The following PRKCH variants were observed in gnomAD, a reference collection of about 807,000 sequenced individuals.
PRKCH encodes protein kinase C eta.
A neutral mutation model predicts 82.5 loss-of-function variants in PRKCH; 28 were observed. That is an observed-to-expected ratio of 0.34 (90% CI 0.25 to 0.47). The LOEUF (loss-of-function observed/expected upper bound fraction) is 0.47. Ranked by LOEUF, PRKCH falls within the 20% of genes least tolerant of loss-of-function variation. The pLI, the probability that PRKCH is intolerant of heterozygous loss-of-function variation, is 1.00. For missense variants in PRKCH, 705 were observed against 881.8 expected, an observed-to-expected ratio of 0.80 and a Z score of 2.54; for synonymous variants, 322 against 327.4, an observed-to-expected ratio of 0.98 and a Z score of 0.18.
intron 1 of PRKCH, among the ~76,000 whole-genome samples, chr14:61,383,606 A>G (rs2046543505): frequency 6.6e-6 from 1 of 151,872 alleles, no homozygotes; most frequent in Admixed American, 6.6e-5. Context: ...AACCCATCCA[A>G]CCTGTAGCCC....
chr14:61,431,622 C>T (rs1055848175), intron 2 of PRKCH, among the ~76,000 whole-genome samples: 1 of 151,902 alleles, frequency 6.6e-6, no homozygotes, highest in Non-Finnish European at 1.5e-5. Context: ...AGAATGCATG[C>T]TTAGAGAAGG....
chr14:61,225,324 T>C (rs1043272437), intron 1 of PRKCH, among the ~76,000 whole-genome samples: 1 of 152,250 alleles, frequency 6.6e-6, no homozygotes, highest in Non-Finnish European at 1.5e-5. Context: ...ACTCCTGCAC[T>C]GTAGGCTTGG....
chr14:61,424,858 C>T (rs978414581), intron 2 of PRKCH, among the ~76,000 whole-genome samples: 1 of 152,220 alleles, frequency 6.6e-6, no homozygotes, highest in African/African-American at 2.4e-5. Context: ...CTGCTCTGTG[C>T]AGCCTAGGAC....
intron 1 of PRKCH, among the ~76,000 whole-genome samples, chr14:61,200,791 G>C (rs1466683243): frequency 6.7e-6 from 1 of 148,472 alleles, no homozygotes; most frequent in Non-Finnish European, 1.5e-5. Context: ...TATTATTATT[G>C]TTAATCTCTT....
chr14:61,297,496 T>C (rs1260445609), intron 1 of PRKCH, among the ~76,000 whole-genome samples: 1 of 152,230 alleles, frequency 6.6e-6, no homozygotes, highest in South Asian at 2.1e-4. Context: ...TCTGCTGCAG[T>C]GGTCTCCAAC....
intron 1 of PRKCH, among the ~76,000 whole-genome samples, chr14:61,287,256 C>T (rs2045323793): frequency 7.5e-6 from 1 of 133,782 alleles, no homozygotes; most frequent in African/African-American, 2.8e-5. Flanking sequence ...AAGGATAGGG[C>T]TGGACTTGAA....
At chr14:61,518,307 C>T (rs896473121) in intron 10 of PRKCH, among the ~76,000 whole-genome samples, 4 of 151,888 alleles carry the variant, frequency 2.6e-5, no homozygotes, top group Non-Finnish European at 4.4e-5. Flanking sequence ...CAAGGAGAGT[C>T]GGTGAGAGAA....
rs1309233833 is a variant in PRKCH, at chr14:61,322,460, G to A, written c.359G>A (p.Gly120Asp). 5.6e-6 allele frequency: 9 copies of A among 1,594,198 alleles called. No individual in the cohort carries two copies. Among genetic ancestry groups the A allele is most frequent in the Non-Finnish European group, 7.7e-6 (9 of 1,164,448 alleles). The part of the protein sequence containing the change: ...RTTGASDTFE[G>D]WVDLEPEGKV... ...ACCGGCGCCTCGGACACCTTCGAGG[G>A]TTGGGTGAGTAGCGGTGACCCCTTC... Residue 120 changes from glycine to aspartate, a missense_variant, in exon 1 of 14, where the codon GGT becomes GAT. Gly to Asp is a moderately conservative substitution (Grantham distance 94, BLOSUM62 -1). This residue lies in a region of PRKCH where 246 missense variants were observed against 308.0 expected (regional missense o/e 0.80). Transcript: ENST00000332981.
intron 10 of PRKCH, among the ~76,000 whole-genome samples, chr14:61,511,062 C>T (rs1176674902): frequency 1.3e-5 from 2 of 152,084 alleles, no homozygotes; most frequent in Non-Finnish European, 2.9e-5. Flanking sequence ...GTTTAGTTGC[C>T]TCCAATTTGC....
intron 5 of PRKCH, 75 bp downstream of exon 5, chr14:61,449,327 C>T (rs1390861756): frequency 5.5e-6 from 7 of 1,270,458 alleles, no homozygotes; most frequent in African/African-American, 1.5e-5. Flanking sequence ...TCTCTCCCTC[C>T]CTCCCTCCTT....
chr14:61,484,528 C>T (rs187464022), intron 9 of PRKCH, among the ~76,000 whole-genome samples: 14 of 152,194 alleles, frequency 9.2e-5, no homozygotes, highest in African/African-American at 3.1e-4. Context: ...GAGACCTACA[C>T]GTTTCTTTCA....
intron 1 of PRKCH, among the ~76,000 whole-genome samples, chr14:61,263,261 C>A (rs867450059): frequency 6.6e-6 from 1 of 152,102 alleles, no homozygotes; most frequent in African/African-American, 2.4e-5. Flanking sequence ...GATTCTACTG[C>A]TGCTGTATGA....
chr14:61,358,576 C>T (rs2046181786), intron 1 of PRKCH, among the ~76,000 whole-genome samples: 1 of 152,188 alleles, frequency 6.6e-6, no homozygotes. Flanking sequence ...CCTTTATGTT[C>T]CTGTGATCCT....
intron 1 of PRKCH, among the ~76,000 whole-genome samples, chr14:61,379,207 C>A (rs1339019619): frequency 6.8e-6 from 1 of 148,020 alleles, no homozygotes; most frequent in Admixed American, 6.7e-5. Flanking sequence ...TGTGTAGATG[C>A]CCCCCCTCCC....
At chr14:61,381,544 A>G (rs781742981) in intron 1 of PRKCH, among the ~76,000 whole-genome samples, 8 of 152,118 alleles carry the variant, frequency 5.3e-5, no homozygotes, top group Admixed American at 3.9e-4. Flanking sequence ...TGTCGGGGGG[A>G]TACCTTGTGT....
rs201596553 is a variant in PRKCH, at chr14:61,280,408, T to C, written c.-19+92740T>C. 1.1e-5 allele frequency: 17 copies of C among 1,613,986 alleles called. No individual in the cohort carries two copies. The highest frequency in any genetic ancestry group is 5.5e-5 in the South Asian group (5 of 91,076). ...GCGCATCCACACCACGAAGTCCTGATTGATGAAGCCGGTGTTGTTGGGGTC... is the reference window on the plus strand; with the variant it reads ...GCGCATCCACACCACGAAGTCCTGACTGATGAAGCCGGTGTTGTTGGGGTC... On this transcript the variant is annotated intron_variant, in intron 1 of 3. Transcript: ENST00000555185. The surrounding 1 kb of genome is among the most constrained non-coding windows in gnomAD (Gnocchi z 5.0).
At chr14:61,365,613 A>G (rs2046288293) in intron 1 of PRKCH, among the ~76,000 whole-genome samples, 1 of 152,046 alleles carries the variant, frequency 6.6e-6, no homozygotes, top group Non-Finnish European at 1.5e-5. Flanking sequence ...TGAATTGTAT[A>G]TTTCTGTATT....
intron 1 of PRKCH, among the ~76,000 whole-genome samples, chr14:61,368,247 T>C (rs1326195548): frequency 1.3e-5 from 2 of 151,966 alleles, no homozygotes; most frequent in Admixed American, 6.5e-5. Context: ...GCTGTAGATT[T>C]CTGACACTCA....
intron 1 of PRKCH, among the ~76,000 whole-genome samples, chr14:61,213,063 A>C (rs999583445): frequency 6.6e-6 from 1 of 152,144 alleles, no homozygotes; most frequent in Non-Finnish European, 1.5e-5. Flanking sequence ...GTAGAGAAAA[A>C]CACAGGGACA....
Sources: allele counts gnomAD v4.1 joint callset (sites outside exome capture counted in the v4.1 genomes callset), GRCh38; gene constraint gnomAD v4.1.1; regional missense constraint gnomAD v4.1.1; non-coding constraint Gnocchi (gnomAD v3.1); transcripts MANE v1.5; gene names NCBI Gene and HGNC (gene_info 2026-07-23, HGNC 2026-07-21).